The following CDH13 variants were observed in gnomAD, a reference collection of about 807,000 sequenced individuals.
The protein encoded by CDH13 is cadherin-13.
CDH13 carries 24 observed loss-of-function variants against 63.8 expected under a neutral mutation model. The ratio of observed to expected loss-of-function variants is 0.38; its 90% CI spans 0.27 to 0.53. CDH13 has a LOEUF of 0.53. CDH13 is among the 20% of genes least tolerant of loss of function. CDH13 has a pLI of 0.85. For synonymous variants in CDH13, 503 were observed against 355.3 expected, an observed-to-expected ratio of 1.42 and a Z score of -4.67; for missense variants, 1,049 against 903.1, an observed-to-expected ratio of 1.16 and a Z score of -2.07.
intron 3 of CDH13, among the ~76,000 whole-genome samples, chr16:83,123,595 C>A (rs2035684349): frequency 6.6e-6 from 1 of 151,986 alleles, no homozygotes; most frequent in Non-Finnish European, 1.5e-5. Context: ...TTTTTTTTAT[C>A]CTGTCTTCTG....
At chr16:82,899,231 T>C (rs116557342) in intron 2 of CDH13, among the ~76,000 whole-genome samples, 1 of 152,266 alleles carries the variant, frequency 6.6e-6, no homozygotes, top group African/African-American at 2.4e-5. Flanking sequence ...TCGGAGTGTA[T>C]ATAAATTACA....
At chr16:83,358,657 C>A (rs2091102113) in intron 6 of CDH13, among the ~76,000 whole-genome samples, 1 of 152,152 alleles carries the variant, frequency 6.6e-6, no homozygotes, top group Admixed American at 6.5e-5. Context: ...GCTTTTTAAC[C>A]ACTGTGCTTT....
intron 2 of CDH13, among the ~76,000 whole-genome samples, chr16:82,973,267 CG>C (rs1472763545): frequency 4.6e-5 from 7 of 152,224 alleles, no homozygotes; most frequent in Non-Finnish European, 1.0e-4. Flanking sequence ...GATGCTCAGA[CG>C]GTCTGCATCC....
At chr16:82,983,009 G>A (rs1025649394) in intron 2 of CDH13, among the ~76,000 whole-genome samples, 8 of 152,150 alleles carry the variant, frequency 5.3e-5, no homozygotes, top group South Asian at 2.1e-4. Context: ...CAGGGAACAC[G>A]ACTGACATGT....
intron 6 of CDH13, among the ~76,000 whole-genome samples, chr16:83,468,642 A>G (rs974035929): frequency 6.6e-6 from 1 of 152,172 alleles, no homozygotes; most frequent in Non-Finnish European, 1.5e-5. Flanking sequence ...TAATAACTCA[A>G]ATCATTCAGA....
At chr16:83,431,639 G>A (rs1027126) in intron 6 of CDH13, among the ~76,000 whole-genome samples, 74,365 of 151,922 alleles carry the variant, frequency 0.49, 19,013 homozygotes, top group African/African-American at 0.65. Context: ...TGCACGAAGA[G>A]AAAGGAGGAA....
At chr16:83,325,728 C>G (rs148143422) in intron 5 of CDH13, among the ~76,000 whole-genome samples, 2 of 152,136 alleles carry the variant, frequency 1.3e-5, no homozygotes, top group Admixed American at 6.6e-5. Flanking sequence ...TTCCTTCCAC[C>G]TTTGTTCTCC....
intron 2 of CDH13, among the ~76,000 whole-genome samples, chr16:82,972,054 T>C (rs1207536698): frequency 6.6e-6 from 1 of 152,156 alleles, no homozygotes; most frequent in Non-Finnish European, 1.5e-5. Flanking sequence ...GTGCCAGATA[T>C]GTACAGATGG....
intron 5 of CDH13, among the ~76,000 whole-genome samples, chr16:83,252,481 A>G (rs1410349598): frequency 1.3e-5 from 2 of 152,028 alleles, no homozygotes; most frequent in Non-Finnish European, 2.9e-5. Flanking sequence ...TATGGAGAAC[A>G]TTTTAGGAGC....
At chr16:83,332,891 A>C (rs1176525984) in intron 5 of CDH13, among the ~76,000 whole-genome samples, 1 of 152,214 alleles carries the variant, frequency 6.6e-6, no homozygotes, top group Non-Finnish European at 1.5e-5. Context: ...ATAAGAAAAA[A>C]TGTTTTCATT....
At chr16:83,001,060 A>C (rs1254956742) in intron 2 of CDH13, among the ~76,000 whole-genome samples, 1 of 152,242 alleles carries the variant, frequency 6.6e-6, no homozygotes, top group East Asian at 1.9e-4. Flanking sequence ...TCCTTTGTGA[A>C]TTCTTACTGC....
At chr16:83,292,279 G>C (rs1597679661) in intron 5 of CDH13, among the ~76,000 whole-genome samples, 5 of 152,262 alleles carry the variant, frequency 3.3e-5, no homozygotes, top group Middle Eastern at 6.8e-3. Context: ...CTTAGAAGTG[G>C]CTTCATTAAT....
Position 83,783,478 on chromosome 16 carries a change from T to C in CDH13, c.2134+6T>C. 6.2e-7 allele frequency: 1 copy of C among 1,610,198 alleles called. No individual in the cohort carries two copies. The highest frequency in any genetic ancestry group is 8.5e-7 in the Non-Finnish European group (1 of 1,176,658). Reference sequence around the variant, plus strand: ...CAGCCTCTTCAGCTTAGCTTGTAAGTTGACCTAACTCCAGTGCATGCACAA... The same window carrying C: ...CAGCCTCTTCAGCTTAGCTTGTAAGCTGACCTAACTCCAGTGCATGCACAA... On this transcript the variant is annotated splice_donor_region_variant and intron_variant, in intron 13 of 13. Coordinates refer to ENST00000567109, the MANE Select transcript of CDH13 (RefSeq NM_001257.5).
intron 1 of CDH13, among the ~76,000 whole-genome samples, chr16:82,631,068 C>G (rs1440404994): frequency 6.6e-6 from 1 of 152,192 alleles, no homozygotes; most frequent in African/African-American, 2.4e-5. Flanking sequence ...ATTTCTGTGT[C>G]TCTCTCTTTC....
chr16:83,787,627 A>C (rs923867556), intron 13 of CDH13, among the ~76,000 whole-genome samples: 1 of 152,174 alleles, frequency 6.6e-6, no homozygotes, highest in Non-Finnish European at 1.5e-5. Context: ...AAAGACCAGC[A>C]CTTAGAAGCC....
At chr16:82,720,261 CA>C (rs1447182596) in intron 1 of CDH13, among the ~76,000 whole-genome samples, 1 of 152,152 alleles carries the variant, frequency 6.6e-6, no homozygotes, top group African/African-American at 2.4e-5. Flanking sequence ...AGTTTGAAAA[CA>C]AACAATTCCA....
At chr16:83,698,021 A>G (rs1905650105) in intron 10 of CDH13, among the ~76,000 whole-genome samples, 1 of 152,180 alleles carries the variant, frequency 6.6e-6, no homozygotes, top group Non-Finnish European at 1.5e-5. Context: ...AACATTCACT[A>G]CCTGTCTCCC....
chr16:83,184,479 G>T (rs1215804051), intron 4 of CDH13, among the ~76,000 whole-genome samples: 1 of 152,204 alleles, frequency 6.6e-6, no homozygotes, highest in African/African-American at 2.4e-5. Context: ...CAGGGGCAGG[G>T]TGCGGTGGCT....
At position 83,162,370 on chromosome 16, in the gene CDH13, C is replaced by T. The variant is rs554454539; in HGVS notation, c.483+36869C>T. On this transcript the variant is annotated intron_variant, in intron 4 of 13. Coordinates refer to ENST00000567109, the MANE Select transcript of CDH13 (RefSeq NM_001257.5). Reference sequence around the variant, plus strand: ...ATTTACGTGATATCATTGAATCCTTCCAACAAGATACCAGACCATTTTATT... The same window carrying T: ...ATTTACGTGATATCATTGAATCCTTTCAACAAGATACCAGACCATTTTATT... Among the ~76,000 whole-genome samples the T allele has an allele frequency of 1.3e-4, 20 of 152,236 alleles. No homozygotes were observed. In the South Asian group the frequency reaches 4.2e-3, roughly 32 times the overall value.
Sources: gnomAD v4.1 joint callset for allele counts (sites outside exome capture counted in the v4.1 genomes callset) on GRCh38, gnomAD v4.1.1 for gene constraint, MANE v1.5 for transcripts, NCBI Gene and HGNC (gene_info 2026-07-23, HGNC 2026-07-21) for gene names.